The following PHLDB2 variants were observed in gnomAD, a reference collection of about 807,000 sequenced individuals.
The protein encoded by PHLDB2 is pleckstrin homology-like domain family B member 2.
In PHLDB2, 71 loss-of-function variants were observed where a neutral mutation model predicts 123.6. That is an observed-to-expected ratio of 0.57 (90% confidence interval 0.47 to 0.70). PHLDB2 has a LOEUF of 0.70. PHLDB2 is among the 30% of genes least tolerant of loss of function. The probability of loss-of-function intolerance (pLI) is 0.00; values close to 1 mark genes in which losing one functional copy is unlikely to be tolerated. For missense variants in PHLDB2, 1,446 were observed against 1,519.5 expected (o/e 0.95, Z 0.80); for synonymous variants, 547 against 541.6 (o/e 1.01, Z -0.14).
intron 11 of PHLDB2, among the ~76,000 whole-genome samples, chr3:111,953,481 C>T (rs1383947846): frequency 6.6e-6 from 1 of 152,098 alleles, no homozygotes; most frequent in Non-Finnish European, 1.5e-5. Flanking sequence ...ATGCTAAAAC[C>T]ATTAGGGTGT....
At chr3:111,800,289 A>G (rs2061331344) in intron 1 of PHLDB2, among the ~76,000 whole-genome samples, 1 of 152,222 alleles carries the variant, frequency 6.6e-6, no homozygotes, top group African/African-American at 2.4e-5. Flanking sequence ...TACAGACGTG[A>G]GCCAACATGC....
In PHLDB2 at chr3:111,969,723, A is replaced by C. The variant is rs755387224; in HGVS notation, c.3349A>C (p.Lys1117Gln). ...RPLTRYLPVR[K>Q]EDFDLRSHVE... ...TTTGACACGCTACCTGCCTGTCCGGAAGGAAGACTTTGATTTGCGGAGCCA... is the reference window on the plus strand; with the variant it reads ...TTTGACACGCTACCTGCCTGTCCGGCAGGAAGACTTTGATTTGCGGAGCCA... Residue 1117 changes from lysine (K) to glutamine (Q), a missense_variant, in exon 16 of 18, where the codon AAG (lysine) becomes CAG (glutamine). Physicochemically the swap from Lys to Gln is moderately conservative, Grantham distance 53. Coordinates refer to ENST00000431670, the MANE Select transcript of PHLDB2 (RefSeq NM_001134438.2). 4 of 1,613,978 alleles carry C rather than the reference A, an allele frequency of 2.5e-6. No individual in the cohort carries two copies. The highest frequency in any genetic ancestry group is 1.7e-5 in the Admixed American group (1 of 60,012).
intron 1 of PHLDB2, among the ~76,000 whole-genome samples, chr3:111,760,492 T>G (rs1322052913): frequency 6.6e-6 from 1 of 152,202 alleles, no homozygotes; most frequent in Non-Finnish European, 1.5e-5. Context: ...AAAGCAGCAT[T>G]TCAGATAAAA....
intron 2 of PHLDB2, among the ~76,000 whole-genome samples, chr3:111,848,682 G>A (rs1347157965): frequency 6.6e-6 from 1 of 152,184 alleles, no homozygotes; most frequent in Non-Finnish European, 1.5e-5. Context: ...TTCAATCAAT[G>A]AGGGACCACA....
At chr3:111,774,959 AG>A (rs1330902195) in intron 1 of PHLDB2, among the ~76,000 whole-genome samples, 1 of 152,180 alleles carries the variant, frequency 6.6e-6, no homozygotes, top group African/African-American at 2.4e-5. Context: ...ATGTGCCATA[AG>A]GAGTGAGTTG....
At chr3:111,941,748 A>G (rs2069899873) in intron 8 of PHLDB2, among the ~76,000 whole-genome samples, 1 of 152,212 alleles carries the variant, frequency 6.6e-6, no homozygotes, top group African/African-American at 2.4e-5. Flanking sequence ...CAGAGGTTTC[A>G]GTAAGCCAAG....
chr3:111,756,298 T>C (rs1352778953), intron 1 of PHLDB2, among the ~76,000 whole-genome samples: 1 of 151,834 alleles, frequency 6.6e-6, no homozygotes, highest in African/African-American at 2.4e-5. Flanking sequence ...TAAGTCTCTT[T>C]GTAGGTCACT....
intron 3 of PHLDB2, chr3:111,915,369 A>G (rs1450972510): frequency 1.3e-5 from 2 of 152,200 alleles, no homozygotes; most frequent in African/African-American, 4.8e-5. Flanking sequence ...GAGTTTTTCC[A>G]TGATACACAT....
chr3:111,949,043 G>C lies in PHLDB2; in HGVS notation c.2599G>C (p.Ala867Pro), dbSNP rs138659588. ...ADAVATEPAT[A>P]VLASQPQSKE... ...TGCTGTTGCCACTGAGCCTGCCACA[G>C]CTGTGCTGGCGAGCCAGCCACAGAG... Residue 867 changes from alanine (A) to proline (P), a missense_variant, in exon 10 of 18, where the codon GCT becomes CCT. By Grantham distance (27) the Ala-to-Pro change is conservative (BLOSUM62 -1). Around this residue, in one of 3 missense-constraint regions of PHLDB2, gnomAD observed 594 missense variants for 646.0 expected, o/e 0.92. Coordinates refer to ENST00000431670, the MANE Select transcript of PHLDB2 (RefSeq NM_001134438.2). 24 of 1,613,760 alleles carry C rather than the reference G, an allele frequency of 1.5e-5. No individual in the cohort carries two copies. Among genetic ancestry groups the C allele is most frequent in the Non-Finnish European group, 2.0e-5 (24 of 1,179,914 alleles).
At position 111,916,828 on chromosome 3, in the gene PHLDB2, C is replaced by T. The variant is rs537810712; in HGVS notation, c.1720-2244C>T. 3.3e-5 allele frequency: 5 copies of T among 152,266 alleles called. No homozygotes were observed. The South Asian group carries it at 1.0e-3, about 32-fold the overall frequency. The allele number at this position is 152,266 out of a possible 1,614,324, so 9.4% of individuals were successfully genotyped here. ...GTGTCTTTTCCCCTATCATCTCTCC[C>T]CTTTCCTGTGTGGATCAAGTTTCCC... is the stretch of plus-strand genomic sequence containing the variant. On this transcript the variant is annotated intron_variant, in intron 3 of 17. Transcript: ENST00000431670.
At chr3:111,973,281 TA>T (rs1170653802) in intron 16 of PHLDB2, among the ~76,000 whole-genome samples, 1 of 152,190 alleles carries the variant, frequency 6.6e-6, no homozygotes, top group East Asian at 1.9e-4. Flanking sequence ...TGATAGGAAA[TA>T]AATATGGGTA....
At chr3:111,869,281 T>C (rs2065230138) in intron 1 of PHLDB2, among the ~76,000 whole-genome samples, 1 of 152,150 alleles carries the variant, frequency 6.6e-6, no homozygotes, top group South Asian at 2.1e-4. Context: ...TTCTTTCATA[T>C]TGTGCTCCAC....
intron 1 of PHLDB2, among the ~76,000 whole-genome samples, chr3:111,829,991 A>C (rs1293408007): frequency 8.3e-6 from 1 of 120,686 alleles, no homozygotes; most frequent in East Asian, 3.2e-4. Flanking sequence ...AAGAATTCCT[A>C]AAAGATTTAG....
chr3:111,925,396 A>G (rs554118415), intron 5 of PHLDB2, among the ~76,000 whole-genome samples: 1 of 152,282 alleles, frequency 6.6e-6, no homozygotes, highest in African/African-American at 2.4e-5. Flanking sequence ...ACGAACATCA[A>G]TAACCCTGTT....
intron 9 of PHLDB2, 71 bp from the exon 10 acceptor site, chr3:111,948,861 G>A (rs1171007075): frequency 2.0e-5 from 30 of 1,473,874 alleles, no homozygotes; most frequent in Non-Finnish European, 2.8e-5. Flanking sequence ...CATTGTACTG[G>A]GAACATTAAT....
At position 111,974,707 on chromosome 3, in the gene PHLDB2, T is replaced by C. The variant is rs13077; in HGVS notation, c.*144T>C. ...AGAACTCCTTTCATATCAAGACAAG[T>C]TATTTGTAAAAAATAAAGAAGGGGT... On this transcript the variant is annotated 3_prime_UTR_variant, in exon 18 of 18. Transcript: ENST00000431670. 0.2 allele frequency: 153,978 copies of C among 785,700 alleles called. 17,521 individuals are homozygous for C. The highest frequency in any genetic ancestry group is 0.23 in the Non-Finnish European group (128,782 of 555,368). The allele number at this position is 785,700 out of a possible 1,614,324, so 48.7% of individuals were successfully genotyped here.
intron 1 of PHLDB2, among the ~76,000 whole-genome samples, chr3:111,821,977 G>GATT (rs1018611241): frequency 6.6e-6 from 1 of 152,166 alleles, no homozygotes; most frequent in African/African-American, 2.4e-5. Context: ...AAAATGTTTA[G>GATT]TATTGAAAAG....
intron 1 of PHLDB2, among the ~76,000 whole-genome samples, chr3:111,752,808 C>G (rs1306590438): frequency 6.6e-6 from 1 of 151,722 alleles, no homozygotes; most frequent in Non-Finnish European, 1.5e-5. Context: ...CTGCCCCCAC[C>G]CCACAACAGT....
At chr3:111,966,500 CATGTGTGTGTGTGTGTGTGTGTCTGGGGT>C in intron 13 of PHLDB2, 84 bp from the exon 14 acceptor site, 10 of 466,834 alleles carry the variant, frequency 2.1e-5, no homozygotes, top group Non-Finnish European at 3.7e-5. Context: ...CCCTTGACCC[CATGTGTGTGTGTGTGTGTGTGTCTGGGGT>C]GTGTGTGTGT....
Sources: gnomAD v4.1 joint callset for allele counts (sites outside exome capture counted in the v4.1 genomes callset) on GRCh38, gnomAD v4.1.1 for gene constraint, gnomAD v4.1.1 regional missense constraint, MANE v1.5 for transcripts, NCBI Gene and HGNC (gene_info 2026-07-23, HGNC 2026-07-21) for gene names.